The following DPYD variants were observed in gnomAD, a reference collection of about 807,000 sequenced individuals.
DPYD encodes dihydropyrimidine dehydrogenase [NADP(+)].
DPYD carries 109 observed loss-of-function variants against 116.2 expected under a neutral mutation model. That is an observed-to-expected ratio of 0.94 (90% CI 0.80 to 1.10). The LOEUF is 1.10. Among genes scored for constraint, DPYD ranks in the 50% least tolerant of loss-of-function variants. DPYD has a pLI of 0.00. For missense variants in DPYD, 1,302 were observed against 1,254.5 expected (o/e 1.04, Z -0.57); for synonymous variants, 440 against 432.0 (o/e 1.02, Z -0.23).
intron 12 of DPYD, among the ~76,000 whole-genome samples, chr1:97,536,837 T>C (rs183168383): frequency 1.4e-3 from 207 of 152,306 alleles, no homozygotes; most frequent in African/African-American, 4.3e-3. Flanking sequence ...CCTGTGAAGA[T>C]TGCTGCAAGG....
chr1:97,711,959 T>C (rs1662313324), intron 5 of DPYD, among the ~76,000 whole-genome samples: 2 of 152,062 alleles, frequency 1.3e-5, no homozygotes, highest in African/African-American at 4.8e-5. Context: ...TCTTAGTAGA[T>C]GCAGATGAGA....
intron 13 of DPYD, among the ~76,000 whole-genome samples, chr1:97,475,789 A>G (rs1677926933): frequency 6.6e-6 from 1 of 152,176 alleles, no homozygotes; most frequent in African/African-American, 2.4e-5. Context: ...CTCTAGCCTC[A>G]GAGATGTGAA....
chr1:97,264,162 G>GTTTTTTTTT (rs71071641), intron 18 of DPYD, among the ~76,000 whole-genome samples: 2 of 60,088 alleles, frequency 3.3e-5, no homozygotes, highest in African/African-American at 4.9e-5. Context: ...GCAAAATTCT[G>GTTTTTTTTT]TTTTTTTTTT....
chr1:97,828,493 C>T (rs1669362189), intron 2 of DPYD, among the ~76,000 whole-genome samples: 1 of 152,042 alleles, frequency 6.6e-6, no homozygotes, highest in Non-Finnish European at 1.5e-5. Context: ...AGTAGGAAAA[C>T]TTCTTAAGTT....
intron 5 of DPYD, among the ~76,000 whole-genome samples, chr1:97,716,193 A>G (rs1484781594): frequency 6.6e-6 from 1 of 152,060 alleles, no homozygotes; most frequent in Admixed American, 6.6e-5. Context: ...ATTTAACTCA[A>G]ACTGTGTCTA....
At chr1:97,534,686 AT>A (rs1649866013) in intron 12 of DPYD, among the ~76,000 whole-genome samples, 1 of 151,932 alleles carries the variant, frequency 6.6e-6, no homozygotes, top group African/African-American at 2.4e-5. Context: ...TACTATGTGA[AT>A]TTACTCTTTT....
intron 12 of DPYD, among the ~76,000 whole-genome samples, chr1:97,542,116 C>T (rs1486204994): frequency 1.3e-5 from 2 of 152,172 alleles, no homozygotes; most frequent in Non-Finnish European, 2.9e-5. Context: ...ACATTACCTA[C>T]TCCAAATTGA....
chr1:97,572,322 G>A (rs189282249), intron 11 of DPYD, among the ~76,000 whole-genome samples: 98 of 151,706 alleles, frequency 6.5e-4, no homozygotes, highest in African/African-American at 1.8e-3. Context: ...ACATGCCTGC[G>A]CGCACACACA....
intron 8 of DPYD, among the ~76,000 whole-genome samples, chr1:97,662,046 G>A (rs1490355666): frequency 7.1e-6 from 1 of 141,194 alleles, no homozygotes; most frequent in East Asian, 2.1e-4. Context: ...CCAGGCTGGA[G>A]TGCAGTGGCA....
intron 7 of DPYD, among the ~76,000 whole-genome samples, chr1:97,689,165 G>A (rs905648823): frequency 4.7e-5 from 7 of 150,408 alleles, no homozygotes; most frequent in African/African-American, 1.7e-4. Context: ...CTTGTAACAT[G>A]ATATTTGACT....
intron 8 of DPYD, among the ~76,000 whole-genome samples, chr1:97,665,162 C>T (rs1306034091): frequency 6.6e-6 from 1 of 152,000 alleles, no homozygotes; most frequent in African/African-American, 2.4e-5. Context: ...ATTCAACTTG[C>T]CCTAGAGTAC....
At chr1:97,562,282 C>T (rs552271298) in intron 11 of DPYD, among the ~76,000 whole-genome samples, 6 of 152,252 alleles carry the variant, frequency 3.9e-5, no homozygotes, top group Non-Finnish European at 1.5e-5. Flanking sequence ...ATGTAAAGTT[C>T]ATTTGGCATC....
chr1:97,452,892 T>C (rs189833462), intron 13 of DPYD, among the ~76,000 whole-genome samples: 187 of 152,226 alleles, frequency 1.2e-3, no homozygotes, highest in African/African-American at 4.4e-3. Context: ...TTTTTCTTCA[T>C]AAATTTCCCA....
At chr1:97,260,794 G>A (rs943025014) in intron 18 of DPYD, among the ~76,000 whole-genome samples, 4 of 152,064 alleles carry the variant, frequency 2.6e-5, no homozygotes, top group African/African-American at 9.7e-5. Context: ...GCTGGAGAGA[G>A]GATCTGCAGA....
At chr1:97,698,401 T>C (rs144959647) in intron 6 of DPYD, among the ~76,000 whole-genome samples, 151 of 151,982 alleles carry the variant, frequency 9.9e-4, no homozygotes, top group African/African-American at 3.4e-3. Context: ...GTTTGAGTAA[T>C]ATTGAAATTT....
intron 13 of DPYD, among the ~76,000 whole-genome samples, chr1:97,481,794 G>C (rs921550209): frequency 2.0e-5 from 3 of 152,022 alleles, no homozygotes; most frequent in African/African-American, 7.2e-5. Flanking sequence ...AGCTGCATTG[G>C]CATGGATTTT....
intron 1 of DPYD, among the ~76,000 whole-genome samples, chr1:97,904,764 A>G (rs1571561743): frequency 6.6e-6 from 1 of 152,134 alleles, no homozygotes; most frequent in East Asian, 1.9e-4. Flanking sequence ...TGTGAAATAT[A>G]TATGTTAATC....
intron 20 of DPYD, among the ~76,000 whole-genome samples, chr1:97,130,837 T>TC (rs60277072): frequency 6.1e-4 from 1 of 1,652 alleles, no homozygotes; most frequent in Non-Finnish European, 1.3e-3. Context: ...TTCTTCTTTC[T>TC]CCTTCCTTCC....
intron 20 of DPYD, among the ~76,000 whole-genome samples, chr1:97,177,538 A>G (rs1657369872): frequency 1.3e-5 from 2 of 152,014 alleles, no homozygotes; most frequent in South Asian, 4.1e-4. Context: ...CTGTGAAGGG[A>G]TAAAGAAATT....
Sources: allele counts gnomAD v4.1 joint callset (sites outside exome capture counted in the v4.1 genomes callset), GRCh38; gene constraint gnomAD v4.1.1; transcripts MANE v1.5; gene names NCBI Gene and HGNC (gene_info 2026-07-23, HGNC 2026-07-21).